Variants in NASP observed in about 807,000 individuals in gnomAD.
NASP encodes NASP histone chaperone.
A neutral mutation model predicts 89.5 loss-of-function variants in NASP; 24 were observed. The ratio of observed to expected loss-of-function variants is 0.27; its 90% confidence interval spans 0.19 to 0.38. The LOEUF (loss-of-function observed/expected upper bound fraction) is 0.38, where lower values mean the gene tolerates loss of function less well. NASP is among the 10% of genes least tolerant of loss of function. The probability of loss-of-function intolerance (pLI) is 1.00; values close to 1 mark genes in which losing one functional copy is unlikely to be tolerated. For synonymous variants in NASP, 306 were observed against 324.7 expected, an observed-to-expected ratio of 0.94 and a Z score of 0.62; for missense variants, 848 against 921.4, an observed-to-expected ratio of 0.92 and a Z score of 1.03.
intron 2 of NASP, among the ~76,000 whole-genome samples, chr1:45,597,818 C>T (rs534459622): frequency 3.3e-5 from 5 of 152,120 alleles, no homozygotes; most frequent in Admixed American, 6.5e-5. Context: ...AATAATAGAA[C>T]TCCTTTAGTT....
At chr1:45,616,437 G>A in intron 12 of NASP, 44 bp downstream of exon 12, 1 of 1,595,614 alleles carries the variant, frequency 6.3e-7, no homozygotes, top group South Asian at 1.1e-5. Context: ...TTAAGTCTCA[G>A]TGTTGGCTCA....
intron 13 of NASP, 149 bp from the exon 14 acceptor site, chr1:45,617,314 C>T (rs1004129405): frequency 2.5e-6 from 2 of 805,358 alleles, no homozygotes; most frequent in African/African-American, 1.7e-5. Flanking sequence ...TACAGGTTGG[C>T]ATCTGCCTGT....
intron 5 of NASP, chr1:45,606,816 G>T (rs1368165876): frequency 1.2e-5 from 5 of 416,888 alleles, no homozygotes; most frequent in Middle Eastern, 6.2e-4. Flanking sequence ...CAGTTATTTC[G>T]ATTGGGGTTT....
In NASP at chr1:45,607,956, ACAGAGGCTG is replaced by A; in HGVS notation, c.1053_1061del (p.Ala352_Ala354del). The A allele has an allele frequency of 6.2e-7, 1 of 1,614,182 alleles. No homozygotes were observed. The highest frequency in any genetic ancestry group is 1.1e-5 in the South Asian group (1 of 91,080). ...TGCTGAAGAGTCACCAGAGGTGACA[ACAGAGGCTG>A]CAGAGGCCTCAGCTGTAGAGGCTGG... is the stretch of plus-strand genomic sequence containing the variant. On this transcript the variant is annotated inframe_deletion, in exon 6 of 15. Transcript: ENST00000350030.
At chr1:45,617,067 ACTG>A (rs962159172) in intron 13 of NASP, among the ~76,000 whole-genome samples, 4 of 152,094 alleles carry the variant, frequency 2.6e-5, no homozygotes, top group Admixed American at 2.0e-4. Flanking sequence ...CTGGTCTTGA[ACTG>A]CTGACCTCGT....
intron 2 of NASP, among the ~76,000 whole-genome samples, chr1:45,596,206 G>C (rs115472029): frequency 0.01 from 1,563 of 152,258 alleles, 28 homozygotes; most frequent in African/African-American, 0.036. Flanking sequence ...TACTTTGACT[G>C]TTCTGATGAA....
chr1:45,614,988 T>C, intron 9 of NASP, 25 bp from the exon 10 acceptor site: 1 of 1,599,216 alleles, frequency 6.3e-7, no homozygotes. Flanking sequence ...GTCCATTTAC[T>C]TGCTCTTCTT....
In NASP at chr1:45,614,758, T is replaced by C. The variant is rs565553533; in HGVS notation, c.1667-255T>C. ...TTCACCATATTGGCCAGGCTGGTCTTGAACTCCTGACCTTGTGATCTGCCC... is the reference window on the plus strand; with the variant it reads ...TTCACCATATTGGCCAGGCTGGTCTCGAACTCCTGACCTTGTGATCTGCCC... On this transcript the variant is annotated intron_variant, in intron 9 of 14. Coordinates refer to ENST00000350030, the MANE Select transcript of NASP (RefSeq NM_002482.4). Among the ~76,000 whole-genome samples the C allele has an allele frequency of 1.5e-3, 222 of 152,114 alleles. 2 individuals are homozygous for C. The highest frequency in any genetic ancestry group is 5.6e-3 in the South Asian group (27 of 4,818).
chr1:45,609,587 T>C (rs1416257608), intron 6 of NASP: 1 of 152,246 alleles, frequency 6.6e-6, no homozygotes, highest in Non-Finnish European at 1.5e-5. Flanking sequence ...TAAAAAGCTC[T>C]GCTGGCTGAC....
In NASP at chr1:45,592,571, A is replaced by G. The variant is rs561279519; in HGVS notation, c.107+1301A>G. ...ACTCTGTCACCCAGGCTGGAGTGCA[A>G]TGGCATGATCTTGGCTCACTGCAAC... On this transcript the variant is annotated intron_variant, in intron 2 of 14. Coordinates refer to ENST00000350030, the MANE Select transcript of NASP (RefSeq NM_002482.4). Among the ~76,000 whole-genome samples the G allele has an allele frequency of 3.3e-5, 5 of 151,922 alleles. No homozygotes were observed. In the East Asian group the frequency reaches 5.9e-4, roughly 18 times the overall value.
intron 1 of NASP, among the ~76,000 whole-genome samples, chr1:45,586,286 T>TGTGTGTGTG (rs1644544098): frequency 9.1e-5 from 8 of 88,374 alleles, no homozygotes; most frequent in African/African-American, 3.7e-4. Flanking sequence ...GTGTGTGTGG[T>TGTGTGTGTG]GTGTGTGTGT....
intron 7 of NASP, 64 bp downstream of exon 7, chr1:45,613,312 C>T: frequency 2.6e-6 from 4 of 1,530,066 alleles, no homozygotes; most frequent in South Asian, 2.5e-5. Flanking sequence ...CTGGAGCTCA[C>T]TCTTGTTGCC....
At chr1:45,590,433 G>C (rs1348223533) in intron 1 of NASP, among the ~76,000 whole-genome samples, 1 of 151,232 alleles carries the variant, frequency 6.6e-6, no homozygotes, top group Admixed American at 6.6e-5. Context: ...GCACCGGCCT[G>C]GCACCAGGCC....
chr1:45,601,388 T>G (rs371057461), intron 2 of NASP, among the ~76,000 whole-genome samples: 1 of 152,204 alleles, frequency 6.6e-6, no homozygotes, highest in Non-Finnish European at 1.5e-5. Context: ...CTTTATTGCA[T>G]GTGGATTTAT....
At chr1:45,594,593 C>G in intron 2 of NASP, 1 of 383,566 alleles carries the variant, frequency 2.6e-6, no homozygotes, top group South Asian at 1.9e-5. Context: ...CAGCCTTGAC[C>G]TTCCCTGGGC....
At chr1:45,601,544 T>C (rs957645911) in intron 2 of NASP, among the ~76,000 whole-genome samples, 2 of 152,152 alleles carry the variant, frequency 1.3e-5, no homozygotes, top group African/African-American at 4.8e-5. Flanking sequence ...TTTATGCCAA[T>C]ACTACATTGT....
intron 2 of NASP, among the ~76,000 whole-genome samples, chr1:45,599,413 TTTTTCTTTTCTTCTC>T (rs1164953280): frequency 1.3e-5 from 2 of 151,832 alleles, no homozygotes; most frequent in African/African-American, 4.8e-5. Context: ...AGCCTTAGAC[TTTTTCTTTTCTTCTC>T]TTTTCTTTTC....
chr1:45,591,209 AT>A lies in NASP; in HGVS notation c.60-8del. On this transcript the variant is annotated splice_polypyrimidine_tract_variant and intron_variant, in intron 1 of 14. Transcript: ENST00000350030. The stretch of plus-strand genomic sequence containing the variant: ...CCAGTTTTACATTTTTTCCCCTTTA[AT>A]TTTTTATTACAGAATTGAAGATGTT... The A allele has an allele frequency of 2.0e-6, 3 of 1,497,790 alleles. No homozygotes were observed. Among genetic ancestry groups the A allele is most frequent in the South Asian group, 1.3e-5 (1 of 75,750 alleles). 92.8% of individuals were successfully genotyped at this position (1,497,790 alleles called of 1,614,324 possible).
chr1:45,612,951 A>T, intron 6 of NASP: 1 of 451,868 alleles, frequency 2.2e-6, no homozygotes, highest in Non-Finnish European at 3.5e-6. Context: ...TAATTGCTGA[A>T]GGTCTGACCC....
Sources: gnomAD v4.1 joint callset for allele counts (sites outside exome capture counted in the v4.1 genomes callset) on GRCh38, gnomAD v4.1.1 for gene constraint, MANE v1.5 for transcripts, NCBI Gene and HGNC (gene_info 2026-07-23, HGNC 2026-07-21) for gene names.